RSRC1: variants seen among roughly 807,000 people sequenced by gnomAD.
RSRC1 encodes the protein arginine and serine rich coiled-coil 1.
RSRC1 carries 39 observed loss-of-function variants against 49.1 expected under a neutral mutation model. The ratio of observed to expected loss-of-function variants is 0.79; its 90% CI spans 0.61 to 1.04. The LOEUF is 1.04. Ranked by LOEUF, RSRC1 falls within the 50% of genes least tolerant of loss-of-function variation. The pLI is 0.00. For synonymous variants in RSRC1, 143 were observed against 130.8 expected (o/e 1.09, Z -0.63); for missense variants, 388 against 402.4 (o/e 0.96, Z 0.31).
At chr3:158,226,522 G>C (rs1052691273) in intron 4 of RSRC1, among the ~76,000 whole-genome samples, 1 of 151,900 alleles carries the variant, frequency 6.6e-6, no homozygotes, top group Non-Finnish European at 1.5e-5. Flanking sequence ...TGGTTCAAGA[G>C]ATAACAGGTG....
intron 6 of RSRC1, among the ~76,000 whole-genome samples, chr3:158,423,838 A>G (rs911376504): frequency 2.0e-4 from 31 of 151,788 alleles, no homozygotes; most frequent in African/African-American, 6.5e-4. Context: ...CTTTGAAGCA[A>G]TTGTGAATGG....
chr3:158,186,512 G>C (rs560487927), intron 3 of RSRC1, among the ~76,000 whole-genome samples: 2 of 152,096 alleles, frequency 1.3e-5, no homozygotes, highest in East Asian at 3.9e-4. Flanking sequence ...TTTTTAGATA[G>C]GAAAGTTATT....
intron 7 of RSRC1, among the ~76,000 whole-genome samples, chr3:158,500,238 T>G (rs1739529189): frequency 1.3e-5 from 2 of 152,224 alleles, no homozygotes; most frequent in African/African-American, 4.8e-5. Context: ...GTGGGTTATC[T>G]TTTCAAAATG....
intron 7 of RSRC1, among the ~76,000 whole-genome samples, chr3:158,474,252 C>G (rs1425540142): frequency 6.6e-6 from 1 of 152,134 alleles, no homozygotes; most frequent in African/African-American, 2.4e-5. Flanking sequence ...GCCAGTCACA[C>G]TAATTTTTTT....
At chr3:158,449,434 C>A (rs183707548) in intron 6 of RSRC1, among the ~76,000 whole-genome samples, 33 of 151,930 alleles carry the variant, frequency 2.2e-4, no homozygotes, top group Middle Eastern at 3.4e-3. Flanking sequence ...TTAAATAATT[C>A]TCTTTACTGC....
At chr3:158,497,319 G>A (rs1739377704) in intron 7 of RSRC1, among the ~76,000 whole-genome samples, 1 of 150,476 alleles carries the variant, frequency 6.6e-6, no homozygotes, top group South Asian at 2.1e-4. Flanking sequence ...GTTCTTCAGT[G>A]GTGATTTGTG....
intron 4 of RSRC1, among the ~76,000 whole-genome samples, chr3:158,244,061 C>T (rs753488513): frequency 6.7e-6 from 1 of 150,020 alleles, no homozygotes; most frequent in African/African-American, 2.5e-5. Flanking sequence ...AGGATTACAC[C>T]ATCTGCAAGC....
chr3:158,240,693 T>G (rs1464649180), intron 4 of RSRC1, among the ~76,000 whole-genome samples: 1 of 152,200 alleles, frequency 6.6e-6, no homozygotes, highest in Non-Finnish European at 1.5e-5. Context: ...CTGAAAATAT[T>G]AAGTGAAAAT....
chr3:158,321,272 C>T (rs1478673061), intron 5 of RSRC1, among the ~76,000 whole-genome samples: 1 of 96,616 alleles, frequency 1.0e-5, no homozygotes, highest in Non-Finnish European at 2.1e-5. Flanking sequence ...TTTTCTTCTT[C>T]CTCTTCCTCT....
intron 4 of RSRC1, among the ~76,000 whole-genome samples, chr3:158,277,111 T>A (rs546659051): frequency 7.4e-4 from 112 of 152,242 alleles, no homozygotes; most frequent in Admixed American, 2.4e-3. Flanking sequence ...TGTCCACAGT[T>A]TTTGGACAAA....
intron 4 of RSRC1, among the ~76,000 whole-genome samples, chr3:158,293,073 TAA>T (rs1403764389): frequency 6.6e-6 from 1 of 152,130 alleles, no homozygotes; most frequent in East Asian, 1.9e-4. Flanking sequence ...CTGACCAAAG[TAA>T]AAGTAAAGAA....
At chr3:158,423,704 A>C (rs1212938050) in intron 6 of RSRC1, among the ~76,000 whole-genome samples, 21 of 152,118 alleles carry the variant, frequency 1.4e-4, no homozygotes, top group East Asian at 3.9e-4. Flanking sequence ...TCTTCCTACC[A>C]ATGAGCATGG....
intron 4 of RSRC1, among the ~76,000 whole-genome samples, chr3:158,205,173 C>T (rs1255917914): frequency 6.6e-6 from 1 of 152,058 alleles, no homozygotes; most frequent in African/African-American, 2.4e-5. Flanking sequence ...GGGACTGATG[C>T]CAAAAAACTG....
intron 7 of RSRC1, among the ~76,000 whole-genome samples, chr3:158,516,926 A>T (rs140182552): frequency 3.3e-4 from 50 of 152,292 alleles, no homozygotes; most frequent in African/African-American, 1.2e-3. Context: ...GTGCTTCCCA[A>T]GTGAGGCAGT....
intron 3 of RSRC1, among the ~76,000 whole-genome samples, chr3:158,163,575 T>C (rs1466781523): frequency 6.6e-6 from 1 of 152,126 alleles, no homozygotes; most frequent in Non-Finnish European, 1.5e-5. Flanking sequence ...TTGGTACCTG[T>C]GTTGTGTTTG....
intron 7 of RSRC1, among the ~76,000 whole-genome samples, chr3:158,499,631 AT>A (rs1739502726): frequency 6.6e-6 from 1 of 151,644 alleles, no homozygotes; most frequent in South Asian, 2.1e-4. Flanking sequence ...TATTTTATTT[AT>A]TTTTCAGCTA....
At chr3:158,334,746 C>T (rs1299481842) in intron 5 of RSRC1, among the ~76,000 whole-genome samples, 3 of 151,584 alleles carry the variant, frequency 2.0e-5, no homozygotes, top group Non-Finnish European at 4.4e-5. Context: ...GTCTCGATCT[C>T]CTGACCTCGT....
intron 4 of RSRC1, among the ~76,000 whole-genome samples, chr3:158,245,176 T>C (rs1723823081): frequency 6.6e-6 from 1 of 151,580 alleles, no homozygotes; most frequent in South Asian, 2.1e-4. Context: ...TAAATTTCCC[T>C]CTTAACATTG....
At chr3:158,540,572 A>G (rs1712978063) in intron 8 of RSRC1, among the ~76,000 whole-genome samples, 1 of 150,988 alleles carries the variant, frequency 6.6e-6, no homozygotes. Context: ...AATAAAACAC[A>G]TGCCTTAAAA....
Sources: allele counts gnomAD v4.1 joint callset (sites outside exome capture counted in the v4.1 genomes callset), GRCh38; gene constraint gnomAD v4.1.1; transcripts MANE v1.5; gene names NCBI Gene and HGNC (gene_info 2026-07-23, HGNC 2026-07-21).